WDR55: variants seen among roughly 807,000 people sequenced by gnomAD.
WDR55 encodes WD repeat domain 55.
A neutral mutation model predicts 34.0 loss-of-function variants in WDR55; 31 were observed. The ratio of observed to expected loss-of-function variants is 0.91; its 90% confidence interval spans 0.69 to 1.23. The LOEUF is 1.23. Among genes scored for constraint, WDR55 ranks in the 50% most tolerant of loss-of-function variants. WDR55 has a pLI of 0.00. For synonymous variants in WDR55, 164 were observed against 185.9 expected (o/e 0.88, Z 0.96); for missense variants, 440 against 494.6 (o/e 0.89, Z 1.05).
In WDR55 at chr5:140,671,333, C is replaced by T; in HGVS notation, c.*1679C>T. On this transcript the variant is annotated 3_prime_UTR_variant, in exon 7 of 7. Transcript: ENST00000358337. ...GGTACCTGCCTCAGCCCCAGCAGACCACAGGAGGTTGGCCCCAGACTCACT... is the reference window on the plus strand; with the variant it reads ...GGTACCTGCCTCAGCCCCAGCAGACTACAGGAGGTTGGCCCCAGACTCACT... The T allele has an allele frequency of 6.2e-7, 1 of 1,612,894 alleles. No individual in the cohort carries two copies. Among genetic ancestry groups the T allele is most frequent in the Middle Eastern group, 1.7e-4 (1 of 5,974 alleles).
intron 1 of WDR55, chr5:140,667,274 C>A: frequency 2.3e-6 from 1 of 436,068 alleles, no homozygotes; most frequent in Non-Finnish European, 3.0e-6. Context: ...CCACCCTCAG[C>A]CATGACTATT....
chr5:140,668,475 T>C lies in WDR55; in HGVS notation c.353T>C (p.Leu118Pro), dbSNP rs752408724. 3.7e-6 allele frequency: 6 copies of C among 1,614,074 alleles called. No homozygotes were observed. The highest frequency in any genetic ancestry group is 1.1e-5 in the South Asian group (1 of 91,084). Residue 118 changes from leucine (L) to proline (P), a missense_variant, in exon 3 of 7, where the codon CTG becomes CCG. Coordinates refer to ENST00000358337, the MANE Select transcript of WDR55 (RefSeq NM_017706.5). ...GTTCTAGATGTGGAGCAGGGCCAAC[T>C]GGAAAGACGTGTTTCCAAGGCTCAT... is the stretch of plus-strand genomic sequence containing the variant. ...IHVLDVEQGQ[L>P]ERRVSKAHGA... is the part of the protein sequence containing the mutation.
intron 1 of WDR55, chr5:140,666,811 ACTGTT>A: frequency 3.0e-6 from 3 of 985,438 alleles, no homozygotes; most frequent in Non-Finnish European, 3.6e-6. Context: ...GTGAAAAAAC[ACTGTT>A]CTGGAGTGTA....
In WDR55 at chr5:140,672,044, TCA is replaced by T; in HGVS notation, c.*2391_*2392del. ...ACTGGGAAAACTTGCTGTAAGTCAGTCAGTGTGCTAAGTACCGTACACCCATT... is the reference window on the plus strand; with the variant it reads ...ACTGGGAAAACTTGCTGTAAGTCAGTGTGTGCTAAGTACCGTACACCCATT... On this transcript the variant is annotated 3_prime_UTR_variant, in exon 7 of 7. Transcript: ENST00000358337. 1 of 571,916 alleles carries T rather than the reference TCA, an allele frequency of 1.7e-6. No individual in the cohort carries two copies. Among genetic ancestry groups the T allele is most frequent in the Non-Finnish European group, 3.1e-6 (1 of 320,132 alleles). 35.4% of individuals were successfully genotyped at this position (571,916 alleles called of 1,614,324 possible). A position where few individuals can be genotyped will look rare whatever the true frequency, so the allele number is the denominator to read the frequency against.
In WDR55 at chr5:140,670,848, CTA is replaced by C. The variant is rs1030364774; in HGVS notation, c.*1197_*1198del. On this transcript the variant is annotated 3_prime_UTR_variant, in exon 7 of 7. Transcript: ENST00000358337. ...ACAACCAGCATAGAAAGACCCAAAA[CTA>C]TACAGAAACCAAAACCAGAATGCCA... is the stretch of plus-strand genomic sequence containing the variant. 1 of 249,276 alleles carries C rather than the reference CTA, an allele frequency of 4.0e-6. No homozygotes were observed. Among genetic ancestry groups the C allele is most frequent in the Non-Finnish European group, 7.9e-6 (1 of 125,832 alleles). The allele number at this position is 249,276 out of a possible 1,614,324, so 15.4% of individuals were successfully genotyped here. A position where few individuals can be genotyped will look rare whatever the true frequency, so the allele number is the denominator to read the frequency against.
In WDR55 at chr5:140,669,130, A is replaced by C; in HGVS notation, c.712A>C (p.Asn238His). The change falls in exon 6 of 7, where the codon AAT (asparagine) becomes CAT (histidine). Residue 238 changes from asparagine to histidine, a missense_variant. Physicochemically the swap from Asn to His is moderately conservative, Grantham distance 68. Transcript: ENST00000358337. ...GSSEGTIYLF[N>H]WNGFGATSDR... Reference sequence around the variant, plus strand: ...CAGTGAAGGTACCATCTACCTCTTCAATTGGAATGGCTTTGGGGCCACAAG... The same window carrying C: ...CAGTGAAGGTACCATCTACCTCTTCCATTGGAATGGCTTTGGGGCCACAAG... 6.2e-7 allele frequency: 1 copy of C among 1,614,152 alleles called. No homozygotes were observed. Among genetic ancestry groups the C allele is most frequent in the Non-Finnish European group, 8.5e-7 (1 of 1,180,024 alleles).
Position 140,672,073 on chromosome 5 carries a change from T to C in WDR55, c.*2419T>C, listed in dbSNP as rs532954213. On this transcript the variant is annotated 3_prime_UTR_variant, in exon 7 of 7. Transcript: ENST00000358337. ...TGTGCTAAGTACCGTACACCCATTA[T>C]GTTACTTAATTCTCATAACAGTCTG... The C allele has an allele frequency of 1.5e-3, 843 of 549,218 alleles. No individual in the cohort carries two copies. The highest frequency in any genetic ancestry group is 2.0e-3 in the Non-Finnish European group (597 of 305,722). The allele number at this position is 549,218 out of a possible 1,614,324, so 34.0% of individuals were successfully genotyped here. A position where few individuals can be genotyped will look rare whatever the true frequency, so the allele number is the denominator to read the frequency against.
At chr5:140,667,101 CTCT>C in intron 1 of WDR55, 1 of 985,452 alleles carries the variant, frequency 1.0e-6, no homozygotes, top group South Asian at 4.7e-5. Context: ...ACCTAAGCAG[CTCT>C]TCAACAAATG....
Position 140,672,221 on chromosome 5 carries a change from G to A in WDR55, c.*2567G>A. On this transcript the variant is annotated 3_prime_UTR_variant, in exon 7 of 7. Coordinates refer to ENST00000358337, the MANE Select transcript of WDR55 (RefSeq NM_017706.5). Reference sequence around the variant, plus strand: ...ATTTTGCGGTGTGGGGGTGGGGGAAGGTTGAGAATTAAGTCAGGAGGTAAT... The same window carrying A: ...ATTTTGCGGTGTGGGGGTGGGGGAAAGTTGAGAATTAAGTCAGGAGGTAAT... The A allele has an allele frequency of 1.7e-6, 1 of 597,734 alleles. No homozygotes were observed. The highest frequency in any genetic ancestry group is 2.9e-6 in the Non-Finnish European group (1 of 339,060). 37.0% of individuals were successfully genotyped at this position (597,734 alleles called of 1,614,324 possible).
intron 1 of WDR55, 52 bp downstream of exon 1, chr5:140,665,155 G>A: frequency 6.6e-7 from 1 of 1,507,096 alleles, no homozygotes; most frequent in Non-Finnish European, 8.9e-7. Context: ...CCCGGGGGTG[G>A]ACCTGGGAAC....
At position 140,671,775 on chromosome 5, in the gene WDR55, G is replaced by T; in HGVS notation, c.*2121G>T. The T allele has an allele frequency of 6.4e-7, 1 of 1,555,174 alleles. No individual in the cohort carries two copies. Among genetic ancestry groups the T allele is most frequent in the East Asian group, 2.4e-5 (1 of 41,716 alleles). Reference sequence around the variant, plus strand: ...CCTGTAGGAAAAATGCAAAGACAAGGGCAGGTCTAAACCCTGGGCCCAAGC... The same window carrying T: ...CCTGTAGGAAAAATGCAAAGACAAGTGCAGGTCTAAACCCTGGGCCCAAGC... On this transcript the variant is annotated 3_prime_UTR_variant, in exon 7 of 7. Transcript: ENST00000358337.
rs774935595 is a variant in WDR55 at position 140,668,680 on chromosome 5, T to C, written c.449T>C (p.Ile150Thr). The change falls in exon 4 of 7, where the codon ATC becomes ACC. Residue 150 changes from isoleucine (I) to threonine (T), a missense_variant. Coordinates refer to ENST00000358337, the MANE Select transcript of WDR55 (RefSeq NM_017706.5). ...GCCACTGGGGATGACACAGGTGGTA[T>C]CTGTCTCTGGGACCAGCGGAAGGAG... ...VLATGDDTGG[I>T]CLWDQRKEGP... 1.9e-6 allele frequency: 3 copies of C among 1,614,158 alleles called. No homozygotes were observed. The South Asian group carries it at 3.3e-5, about 18-fold the overall frequency.
intron 1 of WDR55, among the ~76,000 whole-genome samples, chr5:140,665,888 C>G (rs977804804): frequency 4.0e-5 from 6 of 151,794 alleles, no homozygotes; most frequent in African/African-American, 1.2e-4. Context: ...GTAATCCCAG[C>G]TACACGGGAG....
At chr5:140,667,055 C>T (rs1581490220) in intron 1 of WDR55, 14 of 985,422 alleles carry the variant, frequency 1.4e-5, no homozygotes, top group Non-Finnish European at 1.7e-5. Flanking sequence ...GGGAATTATA[C>T]CTACCCTTGC....
chr5:140,666,396 C>A (rs1757925408), intron 1 of WDR55, among the ~76,000 whole-genome samples: 1 of 151,560 alleles, frequency 6.6e-6, no homozygotes, highest in Non-Finnish European at 1.5e-5. Flanking sequence ...AACTCCATCT[C>A]AAAAAAAAAT....
chr5:140,668,841 T>C, intron 4 of WDR55, 50 bp downstream of exon 4: 1 of 1,613,714 alleles, frequency 6.2e-7, no homozygotes, highest in South Asian at 1.1e-5. Flanking sequence ...GTGTGAAATG[T>C]CTTCCTCAAA....
At position 140,671,257 on chromosome 5, in the gene WDR55, A is replaced by G; in HGVS notation, c.*1603A>G. On this transcript the variant is annotated 3_prime_UTR_variant, in exon 7 of 7. Coordinates refer to ENST00000358337, the MANE Select transcript of WDR55 (RefSeq NM_017706.5). ...GGATGGGGCCTGACACAGGCTCTGC[A>G]TGCCCATTCAGGGTGCCTGTGGAGA... The G allele has an allele frequency of 3.7e-6, 6 of 1,611,234 alleles. No individual in the cohort carries two copies. The highest frequency in any genetic ancestry group is 5.1e-6 in the Non-Finnish European group (6 of 1,178,988).
In WDR55 at chr5:140,668,343, TG is replaced by T. The variant is rs1301605241; in HGVS notation, c.292+13del. 1.2e-5 allele frequency: 19 copies of T among 1,614,180 alleles called. No homozygotes were observed. Among genetic ancestry groups the T allele is most frequent in the Non-Finnish European group, 1.5e-5 (18 of 1,180,026 alleles). On this transcript the variant is annotated intron_variant, in intron 2 of 6. Coordinates refer to ENST00000358337, the MANE Select transcript of WDR55 (RefSeq NM_017706.5). The stretch of plus-strand genomic sequence containing the variant: ...CTCTGAAGATGGGCAGAGTGAGTAC[TG>T]GGGAAGACAACCAGCAATGTGGTGG...
chr5:140,665,239 C>T (rs185298691), intron 1 of WDR55, 136 bp downstream of exon 1: 2 of 730,320 alleles, frequency 2.7e-6, no homozygotes, highest in Non-Finnish European at 4.3e-6. Context: ...CAGTAACATT[C>T]GGCTCTTCTA....
Sources: allele counts gnomAD v4.1 joint callset (sites outside exome capture counted in the v4.1 genomes callset), GRCh38; gene constraint gnomAD v4.1.1; transcripts MANE v1.5; gene names NCBI Gene and HGNC (gene_info 2026-07-23, HGNC 2026-07-21).